Variants in TMEM272 observed in about 807,000 individuals in gnomAD.
TMEM272 encodes long intergenic non-protein coding RNA 282.
TMEM272 carries 8 observed loss-of-function variants against 3.7 expected under a neutral mutation model. That is an observed-to-expected ratio of 2.17 (90% CI 1.27 to 3.91). The LOEUF (loss-of-function observed/expected upper bound fraction) is 3.91. TMEM272 is among the 30% of genes most tolerant of loss of function. TMEM272 has a pLI of 0.00. For synonymous variants in TMEM272, 63 were observed against 39.8 expected (o/e 1.58, Z -2.20); for missense variants, 166 against 91.5 (o/e 1.81, Z -3.32).
At chr13:51,817,837 A>ATCTAC (rs1956047385) in intron 4 of TMEM272, among the ~76,000 whole-genome samples, 2 of 151,892 alleles carry the variant, frequency 1.3e-5, no homozygotes, top group Non-Finnish European at 2.9e-5. Context: ...ATGGTCCCTG[A>ATCTAC]CTCCAGCCTG....
At chr13:51,838,210 G>T (rs192550672) in intron 2 of TMEM272, among the ~76,000 whole-genome samples, 1 of 152,298 alleles carries the variant, frequency 6.6e-6, no homozygotes, top group African/African-American at 2.4e-5. Flanking sequence ...CAGTGACTCC[G>T]TTCACATGCA....
At chr13:51,888,074 C>T in the TMEM272 span, among the ~76,000 whole-genome samples, 2 of 146,118 alleles carry the variant, frequency 1.4e-5, no homozygotes, top group Non-Finnish European at 3.0e-5. Context: ...GACGGAGTTT[C>T]GCTCTTTGTT....
intron 3 of TMEM272, among the ~76,000 whole-genome samples, chr13:51,823,223 G>C (rs906753413): frequency 2.0e-5 from 3 of 152,198 alleles, no homozygotes; most frequent in African/African-American, 7.2e-5. Context: ...GGATCACAGG[G>C]ATGTGCCACT....
chr13:51,815,289 T>C lies in TMEM272; in HGVS notation c.*1462A>G, dbSNP rs756545918. 1.3e-5 allele frequency: 2 copies of C among 152,672 alleles called. No individual in the cohort carries two copies. Among genetic ancestry groups the C allele is most frequent in the Non-Finnish European group, 2.9e-5 (2 of 68,064 alleles). 9.5% of individuals were successfully genotyped at this position (152,672 alleles called of 1,614,324 possible). A position where few individuals can be genotyped will look rare whatever the true frequency, so the allele number is the denominator to read the frequency against. On this transcript the variant is annotated 3_prime_UTR_variant, in exon 5 of 5. Coordinates refer to ENST00000629372, the MANE Select transcript of TMEM272 (RefSeq NM_001351003.2). ...GGCAAAAAAAGGGCTGTTCTTCCTT[T>C]GTCCAGCAGATGGCACACCAAGCAC... is the stretch of plus-strand genomic sequence containing the variant.
At chr13:51,875,784 A>C in the TMEM272 span, among the ~76,000 whole-genome samples, 1 of 152,188 alleles carries the variant, frequency 6.6e-6, no homozygotes, top group African/African-American at 2.4e-5. Context: ...CTCAGCTCCC[A>C]CTTGCCTGTA....
chr13:51,933,615 C>T, the TMEM272 span: 1 of 152,224 alleles, frequency 6.6e-6, no homozygotes, highest in Non-Finnish European at 1.5e-5. Context: ...TGTGGCCACT[C>T]CTTTTCTGAA....
the TMEM272 span, among the ~76,000 whole-genome samples, chr13:51,912,202 C>T: frequency 6.6e-6 from 1 of 152,150 alleles, no homozygotes; most frequent in Non-Finnish European, 1.5e-5. Context: ...CGGTGGTTTT[C>T]CCTGTTTTTC....
rs1383492752 is a variant in TMEM272, at chr13:51,816,934, A to G, written c.381T>C (p.Phe127=). The G allele has an allele frequency of 1.4e-6, 1 of 703,066 alleles. No individual in the cohort carries two copies. Among genetic ancestry groups the G allele is most frequent in the South Asian group, 1.5e-5 (1 of 67,606 alleles). The allele number at this position is 703,066 out of a possible 1,614,324, so 43.6% of individuals were successfully genotyped here. A position where few individuals can be genotyped will look rare whatever the true frequency, so the allele number is the denominator to read the frequency against. The stretch of plus-strand genomic sequence containing the variant: ...GAAGAAAATCAGGCAGGTACACAGA[A>G]AAGACCCAGTAGTTTCCCAGGATGA... ...LWFILGNYWV[F]SVYLPDFLPP... The change falls in exon 5 of 5, where the codon TTT becomes TTC. Residue 127 remains phenylalanine, a synonymous_variant. Coordinates refer to ENST00000629372, the MANE Select transcript of TMEM272 (RefSeq NM_001351003.2).
the TMEM272 span, chr13:51,910,417 G>C: frequency 1.0e-6 from 1 of 989,498 alleles, no homozygotes; most frequent in Non-Finnish European, 1.6e-6. Flanking sequence ...ACATAAAGCC[G>C]ACTCCTAACC....
intron 2 of TMEM272, among the ~76,000 whole-genome samples, chr13:51,833,149 A>G (rs929768794): frequency 2.1e-4 from 32 of 152,144 alleles, no homozygotes; most frequent in Non-Finnish European, 8.8e-5. Context: ...GAAACAAAAG[A>G]TTTGAGAGAC....
the TMEM272 span, among the ~76,000 whole-genome samples, chr13:51,932,018 G>C: frequency 6.6e-6 from 1 of 152,184 alleles, no homozygotes; most frequent in Admixed American, 6.5e-5. Flanking sequence ...ATGTCACAAT[G>C]TCTATTTCCC....
chr13:51,821,922 C>G (rs1032983254), intron 4 of TMEM272, 133 bp downstream of exon 4: 7 of 677,536 alleles, frequency 1.0e-5, no homozygotes, highest in African/African-American at 1.8e-5. Context: ...CTAGCCCCAT[C>G]ACTTCAGCAA....
the TMEM272 span, chr13:51,909,245 A>G: frequency 8.6e-7 from 1 of 1,167,876 alleles, no homozygotes; most frequent in Non-Finnish European, 1.3e-6. Context: ...CCAAACAATT[A>G]TCATGTGCTT....
At chr13:51,841,056 CA>C (rs1278404626) in intron 1 of TMEM272, among the ~76,000 whole-genome samples, 2 of 152,244 alleles carry the variant, frequency 1.3e-5, no homozygotes, top group Admixed American at 1.3e-4. Context: ...GGTTGATTGC[CA>C]CACGGGTGTC....
At chr13:51,848,567 T>G (rs1217905547), upstream of TMEM272, among the ~76,000 whole-genome samples, 1 of 152,198 alleles carries the variant, frequency 6.6e-6, no homozygotes, top group African/African-American at 2.4e-5. Context: ...ATAAAAAGAT[T>G]ACTTAATAAA....
the TMEM272 span, among the ~76,000 whole-genome samples, chr13:51,920,915 C>T: frequency 6.6e-6 from 1 of 152,220 alleles, no homozygotes; most frequent in African/African-American, 2.4e-5. Context: ...TTCTCTGCCC[C>T]ATCGTGCCTG....
the TMEM272 span, among the ~76,000 whole-genome samples, chr13:51,917,753 C>T: frequency 3.9e-5 from 6 of 152,172 alleles, no homozygotes; most frequent in African/African-American, 7.2e-5. Flanking sequence ...GGGGCTTAAA[C>T]GAGATGACAA....
At chr13:51,839,725 G>A (rs1229576387) in intron 1 of TMEM272, among the ~76,000 whole-genome samples, 2 of 152,214 alleles carry the variant, frequency 1.3e-5, no homozygotes, top group Non-Finnish European at 2.9e-5. Flanking sequence ...AGGAGAGCTT[G>A]CTTTGACCAG....
At chr13:51,905,026 C>A in the TMEM272 span, among the ~76,000 whole-genome samples, 1 of 152,200 alleles carries the variant, frequency 6.6e-6, no homozygotes, top group Non-Finnish European at 1.5e-5. Flanking sequence ...GCCAGTAGCA[C>A]ACCTCCAGTA....
Sources: gnomAD v4.1 joint callset for allele counts (sites outside exome capture counted in the v4.1 genomes callset) on GRCh38, gnomAD v4.1.1 for gene constraint, MANE v1.5 for transcripts, NCBI Gene and HGNC (gene_info 2026-07-23, HGNC 2026-07-21) for gene names.